DEFB1: variants seen among roughly 807,000 people sequenced by gnomAD.
DEFB1 encodes the protein beta-defensin 1.
A neutral mutation model predicts 2.6 loss-of-function variants in DEFB1; 4 were observed. The ratio of observed to expected loss-of-function variants is 1.53; its 90% CI spans 0.76 to 3.51. The LOEUF (loss-of-function observed/expected upper bound fraction) is 3.51, where lower values mean the gene tolerates loss of function less well. DEFB1 is among the 30% of genes most tolerant of loss of function. The probability of loss-of-function intolerance (pLI) is 0.01; values close to 1 mark genes in which losing one functional copy is unlikely to be tolerated. For synonymous variants in DEFB1, 56 were observed against 28.5 expected, an observed-to-expected ratio of 1.96 and a Z score of -3.07; for missense variants, 162 against 76.9, an observed-to-expected ratio of 2.11 and a Z score of -4.14.
chr8:6,874,223 A>G (rs890960898), intron 1 of DEFB1, among the ~76,000 whole-genome samples: 1 of 152,202 alleles, frequency 6.6e-6, no homozygotes, highest in African/African-American at 2.4e-5. Context: ...GATTTGAGAG[A>G]AAGACCGAAA....
At position 6,871,227 on chromosome 8, in the gene DEFB1, C is replaced by A. The variant is rs143486010; in HGVS notation, c.62-401G>T. ...CTTCAAACACAGCCTACACTTCCCT[C>A]CTTCCATGCCTTCAGTTACGCTGTT... On this transcript the variant is annotated intron_variant, in intron 1 of 1. Transcript: ENST00000297439. Among the ~76,000 whole-genome samples the A allele has an allele frequency of 3.4e-3, 518 of 152,350 alleles. 10 individuals carry two copies. The highest frequency in any genetic ancestry group is 1.5e-3 in the East Asian group (8 of 5,190).
rs55874920 is a variant in DEFB1, at chr8:6,870,715, G to T, written c.173C>A (p.Thr58Asn). Residue 58 changes from threonine (T) to asparagine (N), a missense_variant, in exon 2 of 2, where the codon ACC becomes AAC. By Grantham distance (65) the Thr-to-Asn change is moderately conservative. Transcript: ENST00000297439. ...GCACTTGGCCTTCCCTCTGTAACAG[G>T]TGCCTTGAATTTTGGTAAAGATCGG... Reference protein sequence around the residue: ...ACPIFTKIQGTCYRGKAKCCK With the variant: ...ACPIFTKIQGNCYRGKAKCCK 12 of 1,614,158 alleles carry T rather than the reference G, an allele frequency of 7.4e-6. No individual in the cohort carries two copies. The highest frequency in any genetic ancestry group is 1.3e-5 in the African/African-American group (1 of 75,022).
intron 1 of DEFB1, among the ~76,000 whole-genome samples, chr8:6,876,910 G>C (rs1003607419): frequency 1.5e-4 from 22 of 147,862 alleles, no homozygotes; most frequent in Admixed American, 4.7e-4. Flanking sequence ...TCTGCATTTA[G>C]AATGCTTTTG....
chr8:6,875,078 ACACAC>A, intron 1 of DEFB1, among the ~76,000 whole-genome samples: 1 of 150,508 alleles, frequency 6.6e-6, no homozygotes, highest in Non-Finnish European at 1.5e-5. Context: ...ACACACACAC[ACACAC>A]ACACACACAC....
intron 1 of DEFB1, among the ~76,000 whole-genome samples, chr8:6,876,818 CAAAAACAAAAACCA>C (rs1366363782): frequency 1.1e-4 from 5 of 44,576 alleles, no homozygotes; most frequent in South Asian, 1.4e-3. Flanking sequence ...AAAAGCAAAG[CAAAAACAAAAACCA>C]AAAACCAAAA....
At chr8:6,873,709 CTG>C (rs1204344697) in intron 1 of DEFB1, among the ~76,000 whole-genome samples, 1 of 150,952 alleles carries the variant, frequency 6.6e-6, no homozygotes, top group African/African-American at 2.4e-5. Flanking sequence ...GGAAAACTAA[CTG>C]TGGGGTACTA....
At chr8:6,873,295 C>G (rs546184860) in intron 1 of DEFB1, among the ~76,000 whole-genome samples, 3 of 152,366 alleles carry the variant, frequency 2.0e-5, no homozygotes, top group East Asian at 1.9e-4. Context: ...CTTCACCACA[C>G]TGCTGGTTGA....
intron 1 of DEFB1, among the ~76,000 whole-genome samples, chr8:6,872,865 C>G (rs947626798): frequency 2.6e-5 from 4 of 152,176 alleles, no homozygotes; most frequent in African/African-American, 9.7e-5. Context: ...CTTTAGTCTC[C>G]CTGCACTGGA....
At chr8:6,876,138 C>T (rs752710311) in intron 1 of DEFB1, among the ~76,000 whole-genome samples, 4 of 152,126 alleles carry the variant, frequency 2.6e-5, no homozygotes, top group Non-Finnish European at 5.9e-5. Context: ...AATTAAATAG[C>T]ATCTACTTTT....
At chr8:6,875,355 A>G (rs1402430649) in intron 1 of DEFB1, among the ~76,000 whole-genome samples, 1 of 152,216 alleles carries the variant, frequency 6.6e-6, no homozygotes, top group East Asian at 1.9e-4. Context: ...GCAAGAGAAG[A>G]TATTTGTGAT....
intron 1 of DEFB1, among the ~76,000 whole-genome samples, chr8:6,872,174 C>T (rs758311758): frequency 2.0e-5 from 3 of 151,954 alleles, no homozygotes; most frequent in Non-Finnish European, 4.4e-5. Flanking sequence ...AGTACACTTC[C>T]CAAAGTTTGA....
At chr8:6,874,413 C>A (rs1806441869) in intron 1 of DEFB1, among the ~76,000 whole-genome samples, 1 of 152,124 alleles carries the variant, frequency 6.6e-6, no homozygotes, top group South Asian at 2.1e-4. Flanking sequence ...CCCAGAGGTT[C>A]TAATTTGACA....
In DEFB1 at chr8:6,877,783, G is replaced by A. The variant is rs759166464; in HGVS notation, c.61+14C>T. 4.3e-6 allele frequency: 7 copies of A among 1,611,748 alleles called. No individual in the cohort carries two copies. The highest frequency in any genetic ancestry group is 1.7e-4 in the Middle Eastern group (1 of 6,054). ...CCCTGGGGATGGGAAACTCTTGCAG[G>A]TACCAGAGCTTACCTGAGGCCATCT... On this transcript the variant is annotated intron_variant, in intron 1 of 1. Coordinates refer to ENST00000297439, the MANE Select transcript of DEFB1 (RefSeq NM_005218.4).
intron 1 of DEFB1, among the ~76,000 whole-genome samples, chr8:6,874,841 G>A (rs1806460472): frequency 6.6e-6 from 1 of 152,054 alleles, no homozygotes; most frequent in African/African-American, 2.4e-5. Flanking sequence ...AATTAGCCAG[G>A]TGTGGTGACA....
At chr8:6,871,378 T>C (rs1250684856) in intron 1 of DEFB1, among the ~76,000 whole-genome samples, 1 of 152,134 alleles carries the variant, frequency 6.6e-6, no homozygotes, top group African/African-American at 2.4e-5. Flanking sequence ...TTTTTCTACT[T>C]GGACTTTATT....
intron 1 of DEFB1, 64 bp from the exon 2 acceptor site, chr8:6,870,890 C>T: frequency 6.6e-7 from 1 of 1,526,140 alleles, no homozygotes; most frequent in Non-Finnish European, 8.8e-7. Context: ...TTGAGAACAT[C>T]TCGCGAAAGC....
intron 1 of DEFB1, among the ~76,000 whole-genome samples, chr8:6,875,314 C>T (rs1024390804): frequency 6.6e-6 from 1 of 151,988 alleles, no homozygotes. Context: ...AGGAAAGTTT[C>T]CATTAAGAGA....
Position 6,877,900 on chromosome 8 carries a change from A to T in DEFB1, c.-43T>A. On this transcript the variant is annotated 5_prime_UTR_variant, in exon 1 of 2. Coordinates refer to ENST00000297439, the MANE Select transcript of DEFB1 (RefSeq NM_005218.4). ...ACCCAGGATTTCAGGAACTGGGGAG[A>T]CGCTGGCTCCTTTGGAGGCTGAGCT... 1 of 1,596,592 alleles carries T rather than the reference A, an allele frequency of 6.3e-7. No individual in the cohort carries two copies. Among genetic ancestry groups the T allele is most frequent in the Non-Finnish European group, 8.6e-7 (1 of 1,164,270 alleles).
At chr8:6,876,142 T>G (rs756134333) in intron 1 of DEFB1, among the ~76,000 whole-genome samples, 11 of 152,326 alleles carry the variant, frequency 7.2e-5, no homozygotes, top group South Asian at 2.1e-4. Context: ...AAATAGCATC[T>G]ACTTTTACTA....
Sources: allele counts gnomAD v4.1 joint callset (sites outside exome capture counted in the v4.1 genomes callset), GRCh38; gene constraint gnomAD v4.1.1; transcripts MANE v1.5; gene names NCBI Gene and HGNC (gene_info 2026-07-23, HGNC 2026-07-21).